ITIH6: variants seen among roughly 807,000 people sequenced by gnomAD.
ITIH6 encodes the protein inter-alpha-trypsin inhibitor heavy chain H6.
Under a neutral mutation model 58.2 loss-of-function variants are expected in ITIH6, and 60 were observed. The ratio of observed to expected loss-of-function variants is 1.03; its 90% CI spans 0.84 to 1.28. The LOEUF is 1.28. Among genes scored for constraint, ITIH6 ranks in the 50% most tolerant of loss-of-function variants. ITIH6 has a pLI of 0.00. For synonymous variants in ITIH6, 493 were observed against 417.4 expected (o/e 1.18, Z -2.21); for missense variants, 1,290 against 1,021.1 (o/e 1.26, Z -3.59).
At chrX:54,779,398 T>C (rs2147615600) in intron 5 of ITIH6, among the ~76,000 whole-genome samples, 1 of 111,650 alleles carries the variant, frequency 9.0e-6, no homozygotes, top group African/African-American at 3.2e-5. Flanking sequence ...GAGGATGAAG[T>C]TAAGGCATAG....
intron 4 of ITIH6, 102 bp from the exon 5 acceptor site, chrX:54,788,751 G>C (rs1367410679): frequency 1.6e-6 from 1 of 644,365 alleles, no homozygotes; most frequent in Non-Finnish European, 2.4e-6. Flanking sequence ...GGGAGGGTGA[G>C]AAGTCTAACT....
intron 6 of ITIH6, among the ~76,000 whole-genome samples, chrX:54,760,272 T>G (rs1233717403): frequency 8.9e-6 from 1 of 111,899 alleles, no homozygotes; most frequent in Non-Finnish European, 1.9e-5. Flanking sequence ...CTATATTAGA[T>G]AGCACAGAAT....
rs749310350 is a variant in ITIH6, at chrX:54,757,100, T to A, written c.2974A>T (p.Ile992Phe). The A allele has an allele frequency of 9.1e-6, 11 of 1,209,630 alleles. No homozygotes were observed. In the South Asian group the frequency reaches 1.9e-4, roughly 21 times the overall value. ...PNLPILLPSS[I>F]LPEAISLLLL... ...AGCAGACTGATGGCCTCAGGGAGGA[T>A]GCTAGAAGGCAGCAAGATTGGCAGG... Residue 992 changes from isoleucine to phenylalanine, a missense_variant, in exon 8 of 13, where the codon ATC becomes TTC. By Grantham distance (21) the Ile-to-Phe change is conservative. Transcript: ENST00000218436.
At chrX:54,751,765 G>C (rs1167744811) in intron 11 of ITIH6, among the ~76,000 whole-genome samples, 1 of 102,198 alleles carries the variant, frequency 9.8e-6, no homozygotes, top group Non-Finnish European at 1.9e-5. Flanking sequence ...GGATATGTTG[G>C]TGTTATATGT....
chrX:54,789,434 C>T (rs1306784076), intron 4 of ITIH6, among the ~76,000 whole-genome samples: 1 of 112,181 alleles, frequency 8.9e-6, no homozygotes, highest in Admixed American at 9.4e-5. Context: ...TCTGAGGCGC[C>T]TGCTCACATA....
intron 5 of ITIH6, chrX:54,787,456 G>C (rs1418574963): frequency 9.0e-6 from 1 of 111,556 alleles, no homozygotes; most frequent in African/African-American, 3.3e-5. Flanking sequence ...TTTGATGACC[G>C]ACAAGGCTCT....
intron 5 of ITIH6, among the ~76,000 whole-genome samples, chrX:54,776,077 C>T (rs1162637562): frequency 9.0e-6 from 1 of 111,127 alleles, no homozygotes; most frequent in African/African-American, 3.3e-5. Flanking sequence ...CCAACTCTGC[C>T]CCCAGCAGCT....
chrX:54,781,420 A>G (rs1442285787), intron 5 of ITIH6, among the ~76,000 whole-genome samples: 7 of 112,463 alleles, frequency 6.2e-5, no homozygotes, highest in Non-Finnish European at 1.1e-4. Context: ...AAGTAAGGAA[A>G]GGCATGAACA....
chrX:54,751,038 C>A lies in ITIH6; in HGVS notation c.3695G>T (p.Gly1232Val). ...ACGGGCTGAGGGGCTGAGGCCTGAG[C>A]CATTGGCCACGTAGAACCCCAGGTG... ...LPHLGFYVAN[G>V]SGLSPSARGL... The change falls in exon 12 of 13, where the codon GGC becomes GTC. Residue 1232 changes from glycine (G) to valine (V), a missense_variant. Gly to Val is a moderately radical substitution (Grantham distance 109). Coordinates refer to ENST00000218436, the MANE Select transcript of ITIH6 (RefSeq NM_198510.3). The A allele has an allele frequency of 8.5e-7, 1 of 1,182,488 alleles. No individual in the cohort carries two copies. Among genetic ancestry groups the A allele is most frequent in the Non-Finnish European group, 1.1e-6 (1 of 880,716 alleles).
chrX:54,770,256 C>A (rs766414753), intron 6 of ITIH6, among the ~76,000 whole-genome samples: 37 of 112,650 alleles, frequency 3.3e-4, no homozygotes, highest in African/African-American at 8.0e-4. Context: ...GTGCGCGCAC[C>A]CACTGGCCTG....
In ITIH6 at chrX:54,788,645, C is replaced by G; in HGVS notation, c.621G>C (p.Glu207Asp). The change falls in exon 5 of 13, where the codon GAG becomes GAC. Residue 207 changes from glutamate to aspartate, a missense_variant. Physicochemically the swap from Glu to Asp is conservative, Grantham distance 45. Coordinates refer to ENST00000218436, the MANE Select transcript of ITIH6 (RefSeq NM_198510.3). ...GRLRTNAHAS[E>D]VDSPPSTRIE... Reference sequence around the variant, plus strand: ...TCCTGGTGGATGGGGGTGAATCCACCTCACCTGTATGGGTGGGGAGGATCG... The same window carrying G: ...TCCTGGTGGATGGGGGTGAATCCACGTCACCTGTATGGGTGGGGAGGATCG... 1 of 1,207,471 alleles carries G rather than the reference C, an allele frequency of 8.3e-7. No individual in the cohort carries two copies. The highest frequency in any genetic ancestry group is 1.8e-5 in the South Asian group (1 of 56,559).
intron 6 of ITIH6, among the ~76,000 whole-genome samples, chrX:54,761,323 G>T (rs1490933737): frequency 8.9e-6 from 1 of 111,793 alleles, no homozygotes; most frequent in Admixed American, 9.5e-5. Flanking sequence ...GTTCTTTGTA[G>T]ATTCTGGATA....
Position 54,758,229 on chromosome X carries a change from C to T in ITIH6, c.1845G>A (p.Gln615=), listed in dbSNP as rs759013408. 31 of 1,209,323 alleles carry T rather than the reference C, an allele frequency of 2.6e-5. No homozygotes were observed. The highest frequency in any genetic ancestry group is 3.4e-5 in the Non-Finnish European group (30 of 894,887). ...TCTGTCTCCTGGTCTCCTCACTGGC[C>T]TGTTTGGGTTGCACCATGACCAGTG... ...LTSLVMVQPK[Q]ASEETRRQTS... The change falls in exon 8 of 13, where the codon CAG becomes CAA. Residue 615 remains glutamine (Q), a synonymous_variant. Transcript: ENST00000218436.
chrX:54,756,259 C>T (rs1202273585), intron 8 of ITIH6, among the ~76,000 whole-genome samples: 1 of 111,327 alleles, frequency 9.0e-6, no homozygotes, highest in Non-Finnish European at 1.9e-5. Flanking sequence ...CTTAGGAAGG[C>T]AGGATACTGG....
chrX:54,763,125 A>T (rs1427779362), intron 6 of ITIH6, among the ~76,000 whole-genome samples: 2 of 111,999 alleles, frequency 1.8e-5, no homozygotes, highest in Non-Finnish European at 3.8e-5. Context: ...TCAATCCTTT[A>T]TATAGATATG....
chrX:54,798,052 C>A, intron 1 of ITIH6, 57 bp downstream of exon 1: 1 of 844,982 alleles, frequency 1.2e-6, no homozygotes, highest in South Asian at 2.3e-5. Context: ...AAATTTCCCC[C>A]AAGAAGCTAA....
chrX:54,776,638 G>A lies in ITIH6; in HGVS notation c.787-2441C>T, dbSNP rs898372290. Among the ~76,000 whole-genome samples, 9 of 110,677 alleles carry A rather than the reference G, an allele frequency of 8.1e-5. No homozygotes were observed. In the South Asian group the frequency reaches 1.2e-3, roughly 14 times the overall value. ...GCAGGATAGGGCACCAGTAAGAGTC[G>A]CGAGGCCCCCTTTCCAGGCCCTAAC... On this transcript the variant is annotated intron_variant, in intron 5 of 12. Coordinates refer to ENST00000218436, the MANE Select transcript of ITIH6 (RefSeq NM_198510.3).
Position 54,758,644 on chromosome X carries a change from A to G in ITIH6, c.1430T>C (p.Val477Ala). ...EEISMPLLAD[V>A]RLNYLGGLVG... Reference sequence around the variant, plus strand: ...CAAGCCACCCAGGTAGTTCAGACGCACATCTGCCAGCAGAGGCATGGAGAT... The same window carrying G: ...CAAGCCACCCAGGTAGTTCAGACGCGCATCTGCCAGCAGAGGCATGGAGAT... Residue 477 changes from valine (V) to alanine (A), a missense_variant, in exon 8 of 13, where the codon GTG becomes GCG. By Grantham distance (64) the Val-to-Ala change is moderately conservative. Transcript: ENST00000218436. 8.3e-7 allele frequency: 1 copy of G among 1,211,731 alleles called. No homozygotes were observed. Among genetic ancestry groups the G allele is most frequent in the South Asian group, 1.8e-5 (1 of 56,986 alleles).
intron 6 of ITIH6, among the ~76,000 whole-genome samples, chrX:54,763,588 A>T (rs1928701504): frequency 1.8e-5 from 2 of 112,425 alleles, no homozygotes; most frequent in Non-Finnish European, 3.7e-5. Context: ...CCATCTTGGT[A>T]AATGTTCCAC....
Sources: gnomAD v4.1 joint callset for allele counts (sites outside exome capture counted in the v4.1 genomes callset) on GRCh38, gnomAD v4.1.1 for gene constraint, MANE v1.5 for transcripts, NCBI Gene and HGNC (gene_info 2026-07-23, HGNC 2026-07-21) for gene names.